DLG2: variants seen among roughly 807,000 people sequenced by gnomAD.
DLG2 encodes the protein discs large MAGUK scaffold protein 2.
Under a neutral mutation model 132.5 loss-of-function variants are expected in DLG2, and 45 were observed. The ratio of observed to expected loss-of-function variants is 0.34; its 90% confidence interval spans 0.27 to 0.44. The LOEUF is 0.44. Ranked by LOEUF, DLG2 falls within the 20% of genes least tolerant of loss-of-function variation. The pLI is 1.00. For missense variants in DLG2, 1,045 were observed against 1,196.9 expected, an observed-to-expected ratio of 0.87 and a Z score of 1.87; for synonymous variants, 424 against 419.6, an observed-to-expected ratio of 1.01 and a Z score of -0.13.
intron 20 of DLG2, among the ~76,000 whole-genome samples, chr11:83,533,071 A>G (rs999456902): frequency 5.9e-5 from 9 of 152,308 alleles, no homozygotes; most frequent in African/African-American, 2.2e-4. Context: ...TGCTTAAATA[A>G]TTAAATCAAA....
chr11:84,360,986 C>A (rs537081752), intron 7 of DLG2, among the ~76,000 whole-genome samples: 4 of 151,666 alleles, frequency 2.6e-5, no homozygotes, highest in African/African-American at 9.7e-5. Context: ...ATGAAAAATA[C>A]ACTAGATGGG....
chr11:83,810,581 C>G (rs1323422420), intron 17 of DLG2, among the ~76,000 whole-genome samples: 1 of 151,958 alleles, frequency 6.6e-6, no homozygotes, highest in Non-Finnish European at 1.5e-5. Flanking sequence ...AAACAACAAA[C>G]AAACAAATAT....
intron 15 of DLG2, among the ~76,000 whole-genome samples, chr11:83,898,589 C>T (rs2072473492): frequency 6.6e-6 from 1 of 151,894 alleles, no homozygotes; most frequent in African/African-American, 2.4e-5. Flanking sequence ...TCTATTATTA[C>T]TTTCTATGAG....
chr11:83,676,840 G>C (rs186933374), intron 18 of DLG2, among the ~76,000 whole-genome samples: 20 of 152,238 alleles, frequency 1.3e-4, no homozygotes, highest in African/African-American at 4.8e-4. Flanking sequence ...ATGTCCCTTG[G>C]ATTATAAACT....
chr11:83,940,580 A>T (rs970032951), intron 14 of DLG2, among the ~76,000 whole-genome samples: 2 of 152,198 alleles, frequency 1.3e-5, no homozygotes, highest in African/African-American at 4.8e-5. Context: ...GGTTCAAACC[A>T]CTAAGTGTTC....
intron 5 of DLG2, among the ~76,000 whole-genome samples, chr11:85,122,953 A>ATATATATATATAT (rs1306534366): frequency 4.4e-3 from 144 of 32,422 alleles, no homozygotes; most frequent in East Asian, 0.011. Context: ...TATATATTAT[A>ATATATATATATAT]TATATATATA....
intron 12 of DLG2, among the ~76,000 whole-genome samples, chr11:83,976,410 T>C (rs1047899107): frequency 6.6e-6 from 1 of 151,974 alleles, no homozygotes; most frequent in Admixed American, 6.6e-5. Flanking sequence ...GTACAGCTGG[T>C]ACATCATAGA....
chr11:84,596,282 A>C (rs1265230793), intron 6 of DLG2, among the ~76,000 whole-genome samples: 1 of 150,006 alleles, frequency 6.7e-6, no homozygotes, highest in Non-Finnish European at 1.5e-5. Flanking sequence ...ATCTTGGCTC[A>C]CTGCAACCTC....
At chr11:83,856,068 A>G (rs764246398) in intron 16 of DLG2, among the ~76,000 whole-genome samples, 3 of 152,174 alleles carry the variant, frequency 2.0e-5, no homozygotes, top group Non-Finnish European at 4.4e-5. Flanking sequence ...GCTTCCACTT[A>G]TAATGAGAAC....
At chr11:83,856,753 T>C (rs1186534515) in intron 16 of DLG2, among the ~76,000 whole-genome samples, 1 of 152,170 alleles carries the variant, frequency 6.6e-6, no homozygotes, top group Non-Finnish European at 1.5e-5. Context: ...AATTTGGAAA[T>C]ATTTTCTCCA....
At chr11:84,867,658 A>G (rs935897969) in intron 6 of DLG2, among the ~76,000 whole-genome samples, 3 of 152,262 alleles carry the variant, frequency 2.0e-5, no homozygotes, top group African/African-American at 7.2e-5. Flanking sequence ...CTTAGTAGAA[A>G]GAAACATAGG....
At chr11:83,906,257 TCACACA>T (rs540642615) in intron 15 of DLG2, among the ~76,000 whole-genome samples, 3,384 of 66,604 alleles carry the variant, frequency 0.051, 151 homozygotes, top group African/African-American at 0.06. Context: ...TCTCTCTCTC[TCACACA>T]CACACACACA....
At chr11:85,240,831 T>G (rs2075841461) in intron 4 of DLG2, among the ~76,000 whole-genome samples, 1 of 151,796 alleles carries the variant, frequency 6.6e-6, no homozygotes, top group South Asian at 2.1e-4. Context: ...TACTATAACT[T>G]TATAATAATT....
intron 19 of DLG2, among the ~76,000 whole-genome samples, chr11:83,555,971 C>T (rs1394690329): frequency 6.6e-6 from 1 of 152,148 alleles, no homozygotes; most frequent in Non-Finnish European, 1.5e-5. Flanking sequence ...TAACAAGTCT[C>T]CTTGAGATTA....
chr11:84,753,555 TG>T (rs2066460952), intron 6 of DLG2, among the ~76,000 whole-genome samples: 1 of 152,100 alleles, frequency 6.6e-6, no homozygotes, highest in Non-Finnish European at 1.5e-5. Flanking sequence ...CTGAGGGAAA[TG>T]AAGAATTTTA....
intron 6 of DLG2, among the ~76,000 whole-genome samples, chr11:84,562,047 G>C (rs1246257507): frequency 6.6e-6 from 1 of 151,388 alleles, no homozygotes; most frequent in Non-Finnish European, 1.5e-5. Context: ...ATTTTTAAAA[G>C]TTAAAAAAAA....
intron 3 of DLG2, among the ~76,000 whole-genome samples, chr11:85,355,544 T>G (rs929310041): frequency 1.3e-5 from 2 of 152,188 alleles, no homozygotes; most frequent in African/African-American, 2.4e-5. Flanking sequence ...TATACTAGGT[T>G]TCTCATAACA....
At chr11:85,160,051 G>C (rs1304697281) in intron 4 of DLG2, among the ~76,000 whole-genome samples, 2 of 152,192 alleles carry the variant, frequency 1.3e-5, no homozygotes, top group Admixed American at 1.3e-4. Flanking sequence ...GGTGTCCAGT[G>C]GTGTGGGGCC....
rs1386543082 is a variant in DLG2, at chr11:83,689,952, TATTTA to T, written c.1826-56632_1826-56628del. On this transcript the variant is annotated intron_variant, in intron 18 of 27. Coordinates refer to ENST00000376104, the MANE Select transcript of DLG2 (RefSeq NM_001142699.3). Reference sequence around the variant, plus strand: ...ATAAATATATAATATATATTATATATATTTATATAATATATATTTATATTATAATA... The same window carrying T: ...ATAAATATATAATATATATTATATATTATAATATATATTTATATTATAATA... Among the ~76,000 whole-genome samples the T allele has an allele frequency of 5.4e-3, 750 of 138,636 alleles. 3 individuals carry two copies. Among genetic ancestry groups the T allele is most frequent in the African/African-American group, 0.019 (709 of 37,874 alleles). 91.0% of individuals were successfully genotyped at this position (138,636 alleles called of 152,430 possible).
Sources: gnomAD v4.1 joint callset for allele counts (sites outside exome capture counted in the v4.1 genomes callset) on GRCh38, gnomAD v4.1.1 for gene constraint, MANE v1.5 for transcripts, NCBI Gene and HGNC (gene_info 2026-07-23, HGNC 2026-07-21) for gene names.